The following GLIS3 variants were observed in gnomAD, a reference collection of about 807,000 sequenced individuals.
The protein encoded by GLIS3 is zinc finger protein GLIS3.
Under a neutral mutation model 78.6 loss-of-function variants are expected in GLIS3, and 53 were observed. The observed-to-expected ratio is 0.67, with a 90% CI of 0.54 to 0.85. The LOEUF (loss-of-function observed/expected upper bound fraction) is 0.85. Among genes scored for constraint, GLIS3 ranks in the 40% least tolerant of loss-of-function variants. The pLI, the probability that GLIS3 is intolerant of heterozygous loss-of-function variation, is 0.00. For synonymous variants in GLIS3, 684 were observed against 509.9 expected, an observed-to-expected ratio of 1.34 and a Z score of -4.60; for missense variants, 1,703 against 1,231.1, an observed-to-expected ratio of 1.38 and a Z score of -5.74.
intron 4 of GLIS3, among the ~76,000 whole-genome samples, chr9:3,984,298 C>A (rs757807017): frequency 2.0e-5 from 3 of 152,210 alleles, no homozygotes; most frequent in African/African-American, 4.8e-5. Context: ...CTGGGAGGGA[C>A]GCTATACCCC....
At chr9:4,088,694 G>T (rs1419998139) in intron 4 of GLIS3, among the ~76,000 whole-genome samples, 1 of 152,216 alleles carries the variant, frequency 6.6e-6, no homozygotes, top group East Asian at 1.9e-4. Flanking sequence ...ATGTGACCTT[G>T]TCCCTTCTCC....
the GLIS3 span, chr9:4,490,367 ACCCTCCTTCCCGGGCCTGCCGCTCCT>A: frequency 2.7e-3 from 517 of 193,216 alleles, no homozygotes; most frequent in African/African-American, 0.012. Context: ...GCACGCACCC[ACCCTCCTTCCCGGGCCTGCCGCTCCT>A]CCCTCCTTCC....
At chr9:4,375,037 CTAT>C in the GLIS3 span, among the ~76,000 whole-genome samples, 1 of 152,206 alleles carries the variant, frequency 6.6e-6, no homozygotes, top group Non-Finnish European at 1.5e-5. Flanking sequence ...TAACTTTTCA[CTAT>C]TATTATAAAA....
the GLIS3 span, among the ~76,000 whole-genome samples, chr9:4,413,385 A>G: frequency 6.6e-6 from 1 of 152,176 alleles, no homozygotes; most frequent in African/African-American, 2.4e-5. Context: ...TTCCAATCTC[A>G]CGGTCATACT....
At chr9:3,893,213 G>A (rs976386569) in intron 7 of GLIS3, among the ~76,000 whole-genome samples, 1 of 152,096 alleles carries the variant, frequency 6.6e-6, no homozygotes, top group Non-Finnish European at 1.5e-5. Flanking sequence ...AATGAGGTAC[G>A]GAATTGTTTT....
intron 9 of GLIS3, among the ~76,000 whole-genome samples, chr9:3,834,518 A>G (rs937206867): frequency 6.6e-6 from 1 of 152,180 alleles, no homozygotes; most frequent in Non-Finnish European, 1.5e-5. Flanking sequence ...ACTCATGGCT[A>G]TTGTACCTGA....
At chr9:4,312,336 T>C (rs1230028847) in intron 2 of GLIS3, among the ~76,000 whole-genome samples, 1 of 151,902 alleles carries the variant, frequency 6.6e-6, no homozygotes. Context: ...GGCATGGTGG[T>C]GCACACCTGT....
At chr9:3,850,694 A>G (rs1214956731) in intron 9 of GLIS3, among the ~76,000 whole-genome samples, 1 of 152,168 alleles carries the variant, frequency 6.6e-6, no homozygotes. Flanking sequence ...GCATGGCACA[A>G]AACCCTTCGT....
chr9:3,874,207 C>T (rs1055094256), intron 8 of GLIS3, among the ~76,000 whole-genome samples: 5 of 152,256 alleles, frequency 3.3e-5, no homozygotes, highest in Admixed American at 2.0e-4. Flanking sequence ...GAAGAGGGGC[C>T]AAAGAGTAAA....
At chr9:3,856,223 A>G (rs1389564939) in intron 8 of GLIS3, 39 bp from the exon 9 acceptor site, 1 of 1,573,334 alleles carries the variant, frequency 6.4e-7, no homozygotes, top group Non-Finnish European at 8.7e-7. Context: ...GAGGGACATA[A>G]AACAGCAGGA....
intron 4 of GLIS3, among the ~76,000 whole-genome samples, chr9:4,041,206 T>C (rs957623382): frequency 4.6e-5 from 7 of 152,220 alleles, no homozygotes. Context: ...CCGGGGGATG[T>C]CTAGCAATGA....
intron 2 of GLIS3, among the ~76,000 whole-genome samples, chr9:4,245,481 C>T (rs912242577): frequency 1.1e-4 from 17 of 152,222 alleles, no homozygotes; most frequent in African/African-American, 4.1e-4. Context: ...GGTGTATGTA[C>T]AGGAAACAAC....
At chr9:4,106,962 G>A (rs1254231629) in intron 4 of GLIS3, among the ~76,000 whole-genome samples, 1 of 152,090 alleles carries the variant, frequency 6.6e-6, no homozygotes, top group Non-Finnish European at 1.5e-5. Flanking sequence ...GAGATAGGGA[G>A]CATTTTCCCA....
At chr9:4,291,998 G>C (rs552792594) in intron 1 of GLIS3, among the ~76,000 whole-genome samples, 17 of 152,202 alleles carry the variant, frequency 1.1e-4, no homozygotes, top group African/African-American at 3.4e-4. Flanking sequence ...GGGAGAAGAG[G>C]AAAATTAGGG....
intron 9 of GLIS3, among the ~76,000 whole-genome samples, chr9:3,840,748 C>T (rs1022071539): frequency 6.6e-6 from 1 of 152,292 alleles, no homozygotes; most frequent in South Asian, 2.1e-4. Context: ...TTAGAAAAGT[C>T]CACGTGGTTC....
chr9:4,478,076 G>A, the GLIS3 span, among the ~76,000 whole-genome samples: 1 of 152,110 alleles, frequency 6.6e-6, no homozygotes. Flanking sequence ...AGAAATAACT[G>A]ATTCCAGTTT....
the GLIS3 span, among the ~76,000 whole-genome samples, chr9:4,400,760 G>A: frequency 6.6e-6 from 1 of 152,200 alleles, no homozygotes; most frequent in East Asian, 1.9e-4. Flanking sequence ...GCAGAGTCAT[G>A]AGGACCCTGC....
intron 1 of GLIS3, among the ~76,000 whole-genome samples, chr9:4,288,599 G>A (rs942147881): frequency 1.3e-5 from 2 of 152,144 alleles, no homozygotes; most frequent in African/African-American, 4.8e-5. Context: ...AGGTGAGTTT[G>A]CAAGAAGGAA....
At chr9:4,420,996 G>T in the GLIS3 span, among the ~76,000 whole-genome samples, 1 of 152,134 alleles carries the variant, frequency 6.6e-6, no homozygotes. Flanking sequence ...AAAAGTGTCT[G>T]CTACCAAAGT....
Sources: allele counts gnomAD v4.1 joint callset (sites outside exome capture counted in the v4.1 genomes callset), GRCh38; gene constraint gnomAD v4.1.1; transcripts MANE v1.5; gene names NCBI Gene and HGNC (gene_info 2026-07-23, HGNC 2026-07-21).